Variants in SYT14 observed in about 807,000 individuals in gnomAD.
SYT14 encodes synaptotagmin-14.
Under a neutral mutation model 74.2 loss-of-function variants are expected in SYT14, and 32 were observed. The ratio of observed to expected loss-of-function variants is 0.43; its 90% CI spans 0.33 to 0.58. The LOEUF (loss-of-function observed/expected upper bound fraction) is 0.58, where lower values mean the gene tolerates loss of function less well. SYT14 is among the 20% of genes least tolerant of loss of function. SYT14 has a pLI of 0.05. For missense variants in SYT14, 791 were observed against 981.8 expected (o/e 0.81, Z 2.60); for synonymous variants, 298 against 337.7 (o/e 0.88, Z 1.29).
chr1:210,153,804 A>G (rs1033666883), intron 7 of SYT14, among the ~76,000 whole-genome samples: 1 of 152,228 alleles, frequency 6.6e-6, no homozygotes, highest in African/African-American at 2.4e-5. Context: ...GACTAAAAGT[A>G]GTAATAGTTG....
chr1:210,018,995 G>A (rs2080246037), intron 4 of SYT14, among the ~76,000 whole-genome samples: 2 of 152,046 alleles, frequency 1.3e-5, no homozygotes, highest in South Asian at 4.2e-4. Context: ...AATTAGCCGG[G>A]CATGGTGGTG....
At chr1:210,075,772 T>G (rs2081489090) in intron 5 of SYT14, among the ~76,000 whole-genome samples, 2 of 152,080 alleles carry the variant, frequency 1.3e-5, no homozygotes, top group South Asian at 4.2e-4. Context: ...GGTAGAGCCC[T>G]TACCAGGGAC....
At chr1:209,947,922 T>C (rs2078848019) in intron 1 of SYT14, among the ~76,000 whole-genome samples, 1 of 152,196 alleles carries the variant, frequency 6.6e-6, no homozygotes, top group South Asian at 2.1e-4. Flanking sequence ...GGCGAGACCC[T>C]TCGCCAGCAA....
intron 7 of SYT14, among the ~76,000 whole-genome samples, chr1:210,102,012 G>T (rs1418983358): frequency 1.3e-5 from 2 of 152,142 alleles, no homozygotes; most frequent in Non-Finnish European, 2.9e-5. Flanking sequence ...TCTAGTCATT[G>T]ATTCTGTAAT....
chr1:210,094,239 CAAAAGTTATTTACAATTATTGTAG>C, intron 5 of SYT14, 59 bp from the exon 5 acceptor site: 1 of 1,591,638 alleles, frequency 6.3e-7, no homozygotes, highest in Non-Finnish European at 8.6e-7. Context: ...ATCCAGTTTT[CAAAAGTTATTTACAATTATTGTAG>C]ACTATACTGT....
chr1:210,135,655 A>C (rs1444518900), intron 7 of SYT14, among the ~76,000 whole-genome samples: 1 of 151,810 alleles, frequency 6.6e-6, no homozygotes, highest in African/African-American at 2.4e-5. Context: ...TTTTTAATGG[A>C]TCCCAGATAT....
chr1:209,982,680 A>G (rs921262404), intron 2 of SYT14, among the ~76,000 whole-genome samples: 2 of 152,224 alleles, frequency 1.3e-5, no homozygotes, highest in Admixed American at 6.5e-5. Context: ...TTTTGTGTGG[A>G]TGTAAGTTTT....
chr1:209,960,482 T>G (rs541226453), intron 2 of SYT14, among the ~76,000 whole-genome samples: 1 of 152,194 alleles, frequency 6.6e-6, no homozygotes, highest in Non-Finnish European at 1.5e-5. Flanking sequence ...TTTCCTTGAC[T>G]AGAAGGAAGT....
chr1:209,949,301 G>A (rs773647603), intron 1 of SYT14, among the ~76,000 whole-genome samples: 15 of 152,088 alleles, frequency 9.9e-5, no homozygotes, highest in Non-Finnish European at 2.2e-4. Flanking sequence ...TAGGCTGGGC[G>A]TGGTGGCTCA....
intron 5 of SYT14, among the ~76,000 whole-genome samples, chr1:210,037,829 T>C (rs1253229243): frequency 1.3e-5 from 2 of 152,192 alleles, no homozygotes; most frequent in African/African-American, 2.4e-5. Flanking sequence ...TTTTAAAAAA[T>C]TTATTGAGAC....
In SYT14 at chr1:210,090,407, AT is replaced by A. The variant is rs540187474; in HGVS notation, c.1313-3905del. Among the ~76,000 whole-genome samples the A allele has an allele frequency of 8.4e-4, 126 of 149,382 alleles. No homozygotes were observed. In the Middle Eastern group the frequency reaches 0.018, roughly 21 times the overall value. On this transcript the variant is annotated intron_variant, in intron 5 of 9. Coordinates refer to ENST00000637265, the Ensembl canonical transcript of SYT14. ...ATTCTGCAGTCGTTGAATATACATCATTTTTTTTTTAGAGCTGTGGTTCTCA... is the reference window on the plus strand; with the variant it reads ...ATTCTGCAGTCGTTGAATATACATCATTTTTTTTTAGAGCTGTGGTTCTCA...
chr1:210,133,916 G>C (rs1357500543), intron 7 of SYT14, among the ~76,000 whole-genome samples: 1 of 149,772 alleles, frequency 6.7e-6, no homozygotes, highest in Non-Finnish European at 1.5e-5. Context: ...CAACTCCATA[G>C]GAATGGAGTT....
At chr1:210,116,833 AATTT>A (rs1042258754) in intron 7 of SYT14, among the ~76,000 whole-genome samples, 26 of 152,242 alleles carry the variant, frequency 1.7e-4, no homozygotes, top group African/African-American at 6.0e-4. Context: ...ACACTTATTA[AATTT>A]ATTCATCAAC....
At position 210,107,305 on chromosome 1, in the gene SYT14, A is replaced by G. The variant is rs191025254; in HGVS notation, c.2034+6844A>G. 3.9e-5 allele frequency among the ~76,000 whole-genome samples: 6 copies of G among 152,298 alleles called. No individual in the cohort carries two copies. In the East Asian group the frequency reaches 1.2e-3, roughly 29 times the overall value. ...AGGGCAACAGTCTCTTTGTAGATAG[A>G]TAGGGAATTATCTATTGACAATTAC... On this transcript the variant is annotated intron_variant, in intron 7 of 9. Coordinates refer to ENST00000637265, the Ensembl canonical transcript of SYT14.
At chr1:210,137,009 ACAGTCAGATGG>A (rs2082800797) in intron 7 of SYT14, among the ~76,000 whole-genome samples, 2 of 152,202 alleles carry the variant, frequency 1.3e-5, no homozygotes, top group South Asian at 4.1e-4. Flanking sequence ...AGAAGATGGT[ACAGTCAGATGG>A]CAGGAGCTTC....
intron 1 of SYT14, among the ~76,000 whole-genome samples, chr1:209,940,594 A>AGTAATTCTT (rs1451854808): frequency 1.3e-4 from 20 of 152,118 alleles, no homozygotes; most frequent in African/African-American, 4.8e-4. Context: ...GTTTTTTGGC[A>AGTAATTCTT]GTAATTCTTA....
intron 5 of SYT14, among the ~76,000 whole-genome samples, chr1:210,041,608 A>G (rs772987624): frequency 1.3e-5 from 2 of 152,180 alleles, no homozygotes; most frequent in African/African-American, 2.4e-5. Context: ...TTCGTATACT[A>G]TACTACCTTT....
chr1:210,027,270 C>G (rs542707317), intron 5 of SYT14, among the ~76,000 whole-genome samples: 206 of 152,100 alleles, frequency 1.4e-3, no homozygotes, highest in African/African-American at 4.9e-3. Context: ...GAAAAACTAG[C>G]CGAGCCTAGT....
chr1:210,099,232 A>G (rs1220315052), intron 6 of SYT14, among the ~76,000 whole-genome samples: 4 of 152,170 alleles, frequency 2.6e-5, no homozygotes, highest in African/African-American at 7.2e-5. Flanking sequence ...TACATTCTAG[A>G]TAGATAGACT....
Sources: allele counts gnomAD v4.1 joint callset (sites outside exome capture counted in the v4.1 genomes callset), GRCh38; gene constraint gnomAD v4.1.1; transcripts MANE v1.5; gene names NCBI Gene and HGNC (gene_info 2026-07-23, HGNC 2026-07-21).